The following CFAP47 variants were observed in gnomAD, a reference collection of about 807,000 sequenced individuals.
CFAP47 encodes cilia- and flagella-associated protein 47.
Under a neutral mutation model 148.1 loss-of-function variants are expected in CFAP47, and 29 were observed. That is an observed-to-expected ratio of 0.20 (90% CI 0.15 to 0.27). The LOEUF (loss-of-function observed/expected upper bound fraction) is 0.27, where lower values mean the gene tolerates loss of function less well. Ranked by LOEUF, CFAP47 falls within the 10% of genes least tolerant of loss-of-function variation. The pLI, the probability that CFAP47 is intolerant of heterozygous loss-of-function variation, is 1.00. For missense variants in CFAP47, 1,872 were observed against 1,697.5 expected (o/e 1.10, Z -1.81); for synonymous variants, 664 against 577.3 (o/e 1.15, Z -2.15).
In CFAP47 at chrX:35,975,299, C is replaced by G. The variant is rs1384914088; in HGVS notation, c.2407C>G (p.Leu803Val). ...GACCAACCAATTTTCATACGTGATT[C>G]TACCTACATCCAGTACTTATATTTC... ...QKTNQFSYVI[L>V]PTSSTYISMV... The change falls in exon 14 of 64, where the codon CTA (leucine) becomes GTA (valine). Residue 803 changes from leucine (L) to valine (V), a missense_variant. Physicochemically the swap from Leu to Val is conservative, Grantham distance 32. Coordinates refer to ENST00000378653, the MANE Select transcript of CFAP47 (RefSeq NM_001304548.2). The G allele has an allele frequency of 1.7e-6, 2 of 1,207,650 alleles. No individual in the cohort carries two copies. The highest frequency in any genetic ancestry group is 2.2e-6 in the Non-Finnish European group (2 of 892,540).
At chrX:35,950,387 A>G (rs1203609207) in intron 4 of CFAP47, among the ~76,000 whole-genome samples, 1 of 111,549 alleles carries the variant, frequency 9.0e-6, no homozygotes, top group Non-Finnish European at 1.9e-5. Flanking sequence ...TGGTTTTGAG[A>G]TGGGGTCTCT....
chrX:36,057,571 A>G (rs1937564362), intron 26 of CFAP47, among the ~76,000 whole-genome samples: 1 of 112,073 alleles, frequency 8.9e-6, no homozygotes, highest in Non-Finnish European at 1.9e-5. Context: ...TTGTTAAAAA[A>G]TACCCTATAT....
At chrX:36,325,181 G>C (rs782415363) in intron 57 of CFAP47, among the ~76,000 whole-genome samples, 1 of 111,565 alleles carries the variant, frequency 9.0e-6, no homozygotes, top group Admixed American at 9.5e-5. Context: ...AATGGAAAAC[G>C]GTGTCATTTA....
chrX:36,355,200 C>T (rs782086914), intron 60 of CFAP47, among the ~76,000 whole-genome samples: 3 of 110,274 alleles, frequency 2.7e-5, no homozygotes, highest in South Asian at 3.9e-4. Context: ...CCATGGCTAA[C>T]GTCAAAAAAA....
At chrX:36,114,014 A>G (rs764168995) in intron 33 of CFAP47, among the ~76,000 whole-genome samples, 3 of 109,570 alleles carry the variant, frequency 2.7e-5, no homozygotes, top group South Asian at 7.9e-4. Context: ...GTTTCACCGC[A>G]TTAGCCAGGA....
intron 22 of CFAP47, among the ~76,000 whole-genome samples, chrX:36,022,308 C>T (rs962063941): frequency 9.0e-6 from 1 of 111,527 alleles, no homozygotes; most frequent in African/African-American, 3.3e-5. Flanking sequence ...ATCACTCCAA[C>T]CTGGCCTGTA....
chrX:36,309,278 G>A (rs782667075), intron 55 of CFAP47, among the ~76,000 whole-genome samples: 19 of 110,876 alleles, frequency 1.7e-4, no homozygotes, highest in South Asian at 3.7e-4. Flanking sequence ...ACAATCCAGC[G>A]TGAGTCTGTG....
At chrX:36,380,852 A>G (rs1942072004) in intron 63 of CFAP47, among the ~76,000 whole-genome samples, 1 of 112,315 alleles carries the variant, frequency 8.9e-6, no homozygotes, top group Admixed American at 9.5e-5. Context: ...CATTTTATCT[A>G]GCATACAGTA....
At chrX:36,035,168 GT>G (rs1937323590) in intron 23 of CFAP47, among the ~76,000 whole-genome samples, 1 of 111,256 alleles carries the variant, frequency 9.0e-6, no homozygotes, top group South Asian at 3.7e-4. Context: ...AAATAAAGAA[GT>G]TTCAGAATTT....
chrX:36,217,546 C>G (rs1178758857), intron 45 of CFAP47, among the ~76,000 whole-genome samples: 1 of 111,823 alleles, frequency 8.9e-6, no homozygotes, highest in Non-Finnish European at 1.9e-5. Flanking sequence ...TGCTGCCCTC[C>G]CATACCTATC....
At chrX:36,271,552 TATGTA>T (rs1299780977) in intron 49 of CFAP47, among the ~76,000 whole-genome samples, 8 of 112,049 alleles carry the variant, frequency 7.1e-5, no homozygotes, top group African/African-American at 2.6e-4. Context: ...AATTAAATGT[TATGTA>T]AGGACAAGTG....
At chrX:36,016,345 C>T (rs925555960) in intron 22 of CFAP47, among the ~76,000 whole-genome samples, 1 of 110,195 alleles carries the variant, frequency 9.1e-6, no homozygotes, top group Non-Finnish European at 1.9e-5. Flanking sequence ...CTTCTGCTCT[C>T]TGTCTCCATG....
At chrX:35,920,149 A>T in intron 1 of CFAP47, 101 bp downstream of exon 1, 1 of 944,325 alleles carries the variant, frequency 1.1e-6, no homozygotes, top group East Asian at 3.2e-5. Context: ...TCCTGCCGGG[A>T]TGGAGGGAGG....
chrX:36,007,191 T>G (rs1341145595), intron 21 of CFAP47, among the ~76,000 whole-genome samples: 1 of 112,256 alleles, frequency 8.9e-6, no homozygotes, highest in East Asian at 2.8e-4. Context: ...ATGCTTTTTA[T>G]TTTTCCCACT....
chrX:36,114,301 T>C (rs755582282), intron 33 of CFAP47, among the ~76,000 whole-genome samples: 1 of 111,688 alleles, frequency 9.0e-6, no homozygotes, highest in Admixed American at 9.5e-5. Flanking sequence ...AACATACTCC[T>C]GCATCTCCAT....
intron 27 of CFAP47, among the ~76,000 whole-genome samples, chrX:36,069,226 G>C (rs1261643996): frequency 9.0e-6 from 1 of 110,673 alleles, no homozygotes; most frequent in African/African-American, 3.3e-5. Context: ...GATAATATCT[G>C]TTTTACCTAT....
At chrX:36,327,311 G>GA (rs1941525293) in intron 57 of CFAP47, among the ~76,000 whole-genome samples, 1 of 111,747 alleles carries the variant, frequency 8.9e-6, no homozygotes, top group Non-Finnish European at 1.9e-5. Context: ...CAAAGGACAC[G>GA]AAAAAACACT....
chrX:36,279,644 G>A (rs181811505), intron 49 of CFAP47, among the ~76,000 whole-genome samples: 3 of 111,686 alleles, frequency 2.7e-5, no homozygotes, highest in Non-Finnish European at 3.8e-5. Flanking sequence ...AACTTATATA[G>A]GTCAACTTTA....
intron 33 of CFAP47, among the ~76,000 whole-genome samples, chrX:36,134,905 T>C (rs759824764): frequency 9.1e-6 from 1 of 110,151 alleles, no homozygotes; most frequent in South Asian, 3.8e-4. Flanking sequence ...ATTTGAAAAA[T>C]AGTCAAAAGT....
Sources: allele counts gnomAD v4.1 joint callset (sites outside exome capture counted in the v4.1 genomes callset), GRCh38; gene constraint gnomAD v4.1.1; transcripts MANE v1.5; gene names NCBI Gene and HGNC (gene_info 2026-07-23, HGNC 2026-07-21).